The following PINX1 variants were observed in gnomAD, a reference collection of about 807,000 sequenced individuals.
PINX1 encodes the protein PIN2 (TERF1) interacting telomerase inhibitor 1, also known as PIN2/TERF1-interacting telomerase inhibitor 1.
Under a neutral mutation model 25.4 loss-of-function variants are expected in PINX1, and 34 were observed. That is an observed-to-expected ratio of 1.34 (90% CI 1.02 to 1.78). PINX1 has a LOEUF of 1.78. PINX1 is among the 40% of genes most tolerant of loss of function. The pLI is 0.00. For synonymous variants in PINX1, 197 were observed against 147.7 expected (o/e 1.33, Z -2.42); for missense variants, 592 against 404.9 (o/e 1.46, Z -3.97).
chr8:10,791,685 C>G (rs11779090), intron 6 of PINX1, among the ~76,000 whole-genome samples: 30,434 of 152,130 alleles, frequency 0.2, 4,334 homozygotes, highest in African/African-American at 0.4. Context: ...TTTGTGGCGG[C>G]TGCTGATGTG....
At chr8:10,797,158 G>T (rs1487415566) in intron 6 of PINX1, among the ~76,000 whole-genome samples, 1 of 152,126 alleles carries the variant, frequency 6.6e-6, no homozygotes, top group Non-Finnish European at 1.5e-5. Flanking sequence ...TTTTTCAGCA[G>T]GGGTCTTCAC....
At chr8:10,835,349 T>C (rs773881469) in intron 1 of PINX1, among the ~76,000 whole-genome samples, 1 of 152,188 alleles carries the variant, frequency 6.6e-6, no homozygotes, top group Non-Finnish European at 1.5e-5. Flanking sequence ...AGAAAGAAAT[T>C]TGCCGAACAT....
chr8:10,797,914 T>C (rs1175053827), intron 6 of PINX1, among the ~76,000 whole-genome samples: 1 of 152,246 alleles, frequency 6.6e-6, no homozygotes. Context: ...CTCAGCCATC[T>C]ACCAATGCAT....
intron 6 of PINX1, among the ~76,000 whole-genome samples, chr8:10,790,017 G>A (rs1160518872): frequency 6.6e-6 from 1 of 152,174 alleles, no homozygotes; most frequent in Non-Finnish European, 1.5e-5. Flanking sequence ...GCATTCAGGA[G>A]GCCAGGATGC....
intron 6 of PINX1, among the ~76,000 whole-genome samples, chr8:10,776,178 C>A (rs948563336): frequency 6.6e-6 from 1 of 152,140 alleles, no homozygotes; most frequent in African/African-American, 2.4e-5. Context: ...GTAAACCCAG[C>A]ACTTTGGGAG....
chr8:10,781,995 A>G (rs1179693438), intron 6 of PINX1, among the ~76,000 whole-genome samples: 1 of 150,118 alleles, frequency 6.7e-6, no homozygotes, highest in Non-Finnish European at 1.5e-5. Flanking sequence ...ATACAGTGGA[A>G]TATTACTCAG....
chr8:10,821,041 CA>C (rs1301832797), intron 5 of PINX1, among the ~76,000 whole-genome samples: 1 of 152,248 alleles, frequency 6.6e-6, no homozygotes, highest in Non-Finnish European at 1.5e-5. Flanking sequence ...CCTCTGTGAG[CA>C]GTAGGCCAAA....
intron 6 of PINX1, among the ~76,000 whole-genome samples, chr8:10,793,723 T>C (rs1017656119): frequency 1.3e-5 from 2 of 152,138 alleles, no homozygotes; most frequent in African/African-American, 4.8e-5. Flanking sequence ...AAGACCTTAC[T>C]TGAAAAACAA....
At chr8:10,837,629 C>G (rs966265547) in intron 1 of PINX1, among the ~76,000 whole-genome samples, 24 of 152,300 alleles carry the variant, frequency 1.6e-4, no homozygotes, top group African/African-American at 5.8e-4. Context: ...TTTAACCATC[C>G]TCTAGCAGGT....
At chr8:10,825,788 C>G (rs988634595) in intron 5 of PINX1, among the ~76,000 whole-genome samples, 1 of 152,230 alleles carries the variant, frequency 6.6e-6, no homozygotes, top group Non-Finnish European at 1.5e-5. Flanking sequence ...CAACTTTCAG[C>G]TGTGAAAAAA....
chr8:10,802,971 C>A (rs1422867393), intron 6 of PINX1, among the ~76,000 whole-genome samples: 3 of 152,186 alleles, frequency 2.0e-5, no homozygotes, highest in Non-Finnish European at 4.4e-5. Context: ...ACACTAGCAA[C>A]TTCACACTTG....
Position 10,826,177 on chromosome 8 carries a change from A to G in PINX1, c.369T>C (p.Arg123=), listed in dbSNP as rs1193571326. Residue 123 remains arginine (R), a synonymous_variant, in exon 5 of 7, where the codon CGT becomes CGC. Coordinates refer to ENST00000314787, the MANE Select transcript of PINX1 (RefSeq NM_017884.6). ...CTTTTGTGAATTTCATATAGTGAAC[A>G]CGGTTTTTGGAGATTTTGGACTTTT... ...LEEKSKISKN[R]VHYMKFTKGK... 1.9e-6 allele frequency: 3 copies of G among 1,583,202 alleles called. No homozygotes were observed. The highest frequency in any genetic ancestry group is 1.7e-6 in the Non-Finnish European group (2 of 1,155,242).
At chr8:10,806,425 T>C (rs1802454616) in intron 6 of PINX1, among the ~76,000 whole-genome samples, 2 of 151,960 alleles carry the variant, frequency 1.3e-5, no homozygotes, top group Non-Finnish European at 2.9e-5. Flanking sequence ...CTGTTTGTGT[T>C]TTAAAATGGG....
At chr8:10,788,968 A>C (rs989762219) in intron 6 of PINX1, among the ~76,000 whole-genome samples, 1 of 133,684 alleles carries the variant, frequency 7.5e-6, no homozygotes, top group Non-Finnish European at 1.6e-5. Flanking sequence ...ACCAGAACTG[A>C]GGAGCTCAGG....
At chr8:10,775,762 A>G (rs1342983170) in intron 6 of PINX1, among the ~76,000 whole-genome samples, 1 of 152,234 alleles carries the variant, frequency 6.6e-6, no homozygotes, top group Non-Finnish European at 1.5e-5. Flanking sequence ...GTGATCTAGG[A>G]CAAGTCACCG....
chr8:10,800,556 G>A (rs1281835245), intron 6 of PINX1, among the ~76,000 whole-genome samples: 4 of 150,708 alleles, frequency 2.7e-5, no homozygotes, highest in Non-Finnish European at 5.9e-5. Flanking sequence ...TGCAGCCTCC[G>A]CCTTCTGGGT....
At position 10,834,712 on chromosome 8, in the gene PINX1, T is replaced by C. The variant is rs754720512; in HGVS notation, c.83A>G (p.Lys28Arg). ...CTTCTCTAGCATCCGCTGGCCAAAC[T>C]TGGAATCGTCATTACTCCAGGCAGT... ...QNTAWSNDDS[K>R]FGQRMLEKMG... Residue 28 changes from lysine (K) to arginine (R), a missense_variant, in exon 2 of 7, where the codon AAG becomes AGG. By Grantham distance (26) the Lys-to-Arg change is conservative (BLOSUM62 2). Coordinates refer to ENST00000314787, the MANE Select transcript of PINX1 (RefSeq NM_017884.6). The C allele has an allele frequency of 1.9e-6, 3 of 1,613,984 alleles. No homozygotes were observed. The Admixed American group carries it at 5.0e-5, about 27-fold the overall frequency.
rs373288345 is a variant in PINX1, at chr8:10,765,892, C to G, written c.496G>C (p.Glu166Gln). Residue 166 changes from glutamate to glutamine, a missense_variant, in exon 7 of 7, where the codon GAG (glutamate) becomes CAG (glutamine). Glu to Gln is a conservative substitution (Grantham distance 29, BLOSUM62 2). Coordinates refer to ENST00000314787, the MANE Select transcript of PINX1 (RefSeq NM_017884.6). ...PEGDASPSTP[E>Q]ENETTTTSAF... ...CTGGTTGTCGTGGTTTCGTTCTCCTCTGGAGTGGAGGGACTGGCATCGCCC... is the reference window on the plus strand; with the variant it reads ...CTGGTTGTCGTGGTTTCGTTCTCCTGTGGAGTGGAGGGACTGGCATCGCCC... 1.5e-5 allele frequency: 24 copies of G among 1,613,866 alleles called. No homozygotes were observed. The highest frequency in any genetic ancestry group is 2.0e-5 in the Non-Finnish European group (24 of 1,179,878).
intron 6 of PINX1, among the ~76,000 whole-genome samples, chr8:10,784,535 A>C (rs1466458157): frequency 1.3e-5 from 2 of 152,248 alleles, no homozygotes; most frequent in Admixed American, 1.3e-4. Context: ...TGAAATGTTC[A>C]GATTTACTTA....
Sources: allele counts gnomAD v4.1 joint callset (sites outside exome capture counted in the v4.1 genomes callset), GRCh38; gene constraint gnomAD v4.1.1; transcripts MANE v1.5; gene names NCBI Gene and HGNC (gene_info 2026-07-23, HGNC 2026-07-21).